Variants in CYP7B1 observed in about 807,000 individuals in gnomAD.
The protein encoded by CYP7B1 is cytochrome P450 7B1.
A neutral mutation model predicts 42.7 loss-of-function variants in CYP7B1; 29 were observed. That is an observed-to-expected ratio of 0.68 (90% CI 0.51 to 0.93). The LOEUF (loss-of-function observed/expected upper bound fraction) is 0.93. Among genes scored for constraint, CYP7B1 ranks in the 40% least tolerant of loss-of-function variants. The probability of loss-of-function intolerance (pLI) is 0.00; values close to 1 mark genes in which losing one functional copy is unlikely to be tolerated. For synonymous variants in CYP7B1, 235 were observed against 218.2 expected (o/e 1.08, Z -0.68); for missense variants, 655 against 600.5 (o/e 1.09, Z -0.95).
chr8:64,684,916 T>A (rs1377276120), intron 1 of CYP7B1, among the ~76,000 whole-genome samples: 1 of 152,208 alleles, frequency 6.6e-6, no homozygotes, highest in Non-Finnish European at 1.5e-5. Flanking sequence ...CTCTTATCAA[T>A]AACCCAGACA....
intron 5 of CYP7B1, 93 bp from the exon 6 acceptor site, chr8:64,597,022 A>C: frequency 8.7e-7 from 1 of 1,143,420 alleles, no homozygotes; most frequent in Non-Finnish European, 1.2e-6. Context: ...CCTGTCTTAA[A>C]AAGCTCCTTT....
At chr8:64,699,306 A>C (rs758017668) in intron 1 of CYP7B1, among the ~76,000 whole-genome samples, 7 of 152,166 alleles carry the variant, frequency 4.6e-5, no homozygotes, top group Non-Finnish European at 7.4e-5. Flanking sequence ...TTCTGTCAAC[A>C]TCATGTCAAA....
intron 1 of CYP7B1, among the ~76,000 whole-genome samples, chr8:64,780,282 CT>C (rs2129673845): frequency 6.6e-6 from 1 of 152,146 alleles, no homozygotes; most frequent in South Asian, 2.1e-4. Context: ...TTCATTCACC[CT>C]TCATTCTTCT....
intron 1 of CYP7B1, among the ~76,000 whole-genome samples, chr8:64,729,745 T>C (rs1227889644): frequency 6.6e-6 from 1 of 152,188 alleles, no homozygotes; most frequent in African/African-American, 2.4e-5. Context: ...TCACATTCCT[T>C]TCTAAATTTG....
intron 1 of CYP7B1, chr8:64,703,896 T>C (rs1806954417): frequency 6.6e-6 from 1 of 152,050 alleles, no homozygotes; most frequent in African/African-American, 2.4e-5. Context: ...TCTTTGCTGG[T>C]TTCTCAAAGT....
intron 1 of CYP7B1, among the ~76,000 whole-genome samples, chr8:64,726,022 C>T (rs1807318761): frequency 1.3e-5 from 2 of 152,190 alleles, no homozygotes; most frequent in Admixed American, 1.3e-4. Flanking sequence ...ATATCTTGTT[C>T]TCCTGTGAGG....
chr8:64,671,797 C>T (rs1806371446), intron 1 of CYP7B1, among the ~76,000 whole-genome samples: 1 of 151,982 alleles, frequency 6.6e-6, no homozygotes, highest in Non-Finnish European at 1.5e-5. Context: ...TCCAGAAAAC[C>T]CAGATGATAA....
At chr8:64,731,846 G>A (rs915638000) in intron 1 of CYP7B1, among the ~76,000 whole-genome samples, 1 of 152,224 alleles carries the variant, frequency 6.6e-6, no homozygotes, top group African/African-American at 2.4e-5. Flanking sequence ...TTACAGCTCA[G>A]GCCATGAATT....
chr8:64,713,129 T>C (rs924049190), intron 1 of CYP7B1, among the ~76,000 whole-genome samples: 1 of 152,164 alleles, frequency 6.6e-6, no homozygotes, highest in Non-Finnish European at 1.5e-5. Context: ...AGTAGCATCA[T>C]CAAACAAAAA....
intron 1 of CYP7B1, among the ~76,000 whole-genome samples, chr8:64,716,772 T>G (rs1455691392): frequency 6.6e-6 from 1 of 152,208 alleles, no homozygotes; most frequent in Non-Finnish European, 1.5e-5. Context: ...AACTTTGTTT[T>G]ATGAACCAGT....
At chr8:64,699,944 A>T (rs909025100) in intron 1 of CYP7B1, among the ~76,000 whole-genome samples, 8 of 152,106 alleles carry the variant, frequency 5.3e-5, no homozygotes, top group African/African-American at 1.9e-4. Context: ...TCCCATTTTA[A>T]TTCCCAACAC....
intron 1 of CYP7B1, among the ~76,000 whole-genome samples, chr8:64,794,039 C>A (rs1158605708): frequency 6.6e-6 from 1 of 151,638 alleles, no homozygotes; most frequent in African/African-American, 2.4e-5. Context: ...AGGGAGGCAA[C>A]CCTTAAAGAA....
intron 1 of CYP7B1, among the ~76,000 whole-genome samples, chr8:64,652,717 G>T (rs976445880): frequency 6.6e-6 from 1 of 152,104 alleles, no homozygotes; most frequent in African/African-American, 2.4e-5. Flanking sequence ...GGTGGCAGGC[G>T]CCTGTAGTCC....
chr8:64,617,780 G>T (rs1265941844), intron 2 of CYP7B1, among the ~76,000 whole-genome samples: 1 of 151,408 alleles, frequency 6.6e-6, no homozygotes, highest in Non-Finnish European at 1.5e-5. Flanking sequence ...AATTCAATTT[G>T]GTGCAAGATA....
At chr8:64,672,057 T>G (rs1806375155) in intron 1 of CYP7B1, among the ~76,000 whole-genome samples, 1 of 152,166 alleles carries the variant, frequency 6.6e-6, no homozygotes. Flanking sequence ...CATTACTTTT[T>G]TTGTTCCTTC....
intron 1 of CYP7B1, among the ~76,000 whole-genome samples, chr8:64,782,476 G>A (rs1804444543): frequency 6.6e-6 from 1 of 152,056 alleles, no homozygotes; most frequent in Non-Finnish European, 1.5e-5. Flanking sequence ...CCTTCATCTA[G>A]GACTTCCCAG....
intron 1 of CYP7B1, among the ~76,000 whole-genome samples, chr8:64,787,754 C>T (rs2129710913): frequency 6.6e-6 from 1 of 152,300 alleles, no homozygotes; most frequent in African/African-American, 2.4e-5. Context: ...CTGTATTAGT[C>T]CATTTTCACA....
intron 1 of CYP7B1, among the ~76,000 whole-genome samples, chr8:64,692,770 G>A (rs1011922905): frequency 6.6e-6 from 1 of 152,164 alleles, no homozygotes; most frequent in African/African-American, 2.4e-5. Context: ...CCCAGTACCA[G>A]GCACTGGACC....
At chr8:64,633,071 G>A (rs1347262935) in intron 1 of CYP7B1, among the ~76,000 whole-genome samples, 1 of 152,092 alleles carries the variant, frequency 6.6e-6, no homozygotes, top group Non-Finnish European at 1.5e-5. Flanking sequence ...GGGCTCAAGA[G>A]AAATTTGAGT....
Sources: gnomAD v4.1 joint callset for allele counts (sites outside exome capture counted in the v4.1 genomes callset) on GRCh38, gnomAD v4.1.1 for gene constraint, MANE v1.5 for transcripts, NCBI Gene and HGNC (gene_info 2026-07-23, HGNC 2026-07-21) for gene names.